Variants in CHKA observed in about 807,000 individuals in gnomAD.
The protein encoded by CHKA is CHETK-alpha.
In CHKA, 34 loss-of-function variants were observed where a neutral mutation model predicts 60.1. The observed-to-expected ratio is 0.57, with a 90% CI of 0.43 to 0.75. The LOEUF (loss-of-function observed/expected upper bound fraction) is 0.75. Among genes scored for constraint, CHKA ranks in the 30% least tolerant of loss-of-function variants. The pLI is 0.00. For synonymous variants in CHKA, 217 were observed against 223.1 expected, an observed-to-expected ratio of 0.97 and a Z score of 0.24; for missense variants, 563 against 561.3, an observed-to-expected ratio of 1.00 and a Z score of -0.03.
rs147139063 is a variant in CHKA at position 68,081,414 on chromosome 11, T to G, written c.506A>C (p.Asn169Thr). 9.0e-5 allele frequency: 145 copies of G among 1,613,402 alleles called. 1 individual carries two copies. In the African/African-American group the frequency reaches 1.8e-3, roughly 20 times the overall value. Residue 169 changes from asparagine (N) to threonine (T), a missense_variant, in exon 3 of 12, where the codon AAT becomes ACT. Asn to Thr is a moderately conservative substitution (Grantham distance 65). Transcript: ENST00000265689. Reference protein sequence around the residue: ...KEGSEQAQKENEFQGAEAMVL... With the variant: ...KEGSEQAQKETEFQGAEAMVL... ...GACTGAATTACTTACTTGAAATTCATTTTCTTTCTGAGCTTGTTCGGATCC... is the reference window on the plus strand; with the variant it reads ...GACTGAATTACTTACTTGAAATTCAGTTTCTTTCTGAGCTTGTTCGGATCC...
intron 1 of CHKA, among the ~76,000 whole-genome samples, chr11:68,097,897 G>A (rs969057956): frequency 1.3e-5 from 2 of 152,188 alleles, no homozygotes; most frequent in East Asian, 3.9e-4. Flanking sequence ...CATATGGCTC[G>A]AGTCCCTGCT....
Position 68,053,180 on chromosome 11 carries a change from G to A in CHKA, c.*808C>T, listed in dbSNP as rs1481134666. ...ACACTCCAGGCAGAGCAGAGGGCAGGAGAGGCCCAAAGAGCTAGGTCAAGC... is the reference window on the plus strand; with the variant it reads ...ACACTCCAGGCAGAGCAGAGGGCAGAAGAGGCCCAAAGAGCTAGGTCAAGC... On this transcript the variant is annotated 3_prime_UTR_variant, in exon 12 of 12. Transcript: ENST00000265689. 1 of 158,038 alleles carries A rather than the reference G, an allele frequency of 6.3e-6. No individual in the cohort carries two copies. The highest frequency in any genetic ancestry group is 1.4e-5 in the Non-Finnish European group (1 of 71,080). The allele number at this position is 158,038 out of a possible 1,614,324, so 9.8% of individuals were successfully genotyped here.
At chr11:68,081,267 C>T in intron 3 of CHKA, 137 bp downstream of exon 3, 2 of 652,140 alleles carry the variant, frequency 3.1e-6, no homozygotes, top group Non-Finnish European at 5.4e-6. Flanking sequence ...ATAGATATAC[C>T]AAGAGCCCCT....
In CHKA at chr11:68,052,922, A is replaced by T. The variant is rs1009458791; in HGVS notation, c.*1066T>A. 6.6e-6 allele frequency: 1 copy of T among 152,532 alleles called. No individual in the cohort carries two copies. Among genetic ancestry groups the T allele is most frequent in the Non-Finnish European group, 1.5e-5 (1 of 68,046 alleles). The allele number at this position is 152,532 out of a possible 1,614,324, so 9.4% of individuals were successfully genotyped here. A position where few individuals can be genotyped will look rare whatever the true frequency, so the allele number is the denominator to read the frequency against. On this transcript the variant is annotated 3_prime_UTR_variant, in exon 12 of 12. Transcript: ENST00000265689. ...GTGGTAGCAGAAATATATGCACAAA[A>T]AACAATTCAAATAAGAGTTCAGAGT...
intron 11 of CHKA, among the ~76,000 whole-genome samples, chr11:68,060,967 G>T (rs947456629): frequency 6.6e-6 from 1 of 152,072 alleles, no homozygotes; most frequent in African/African-American, 2.4e-5. Flanking sequence ...AAGGAAGGCA[G>T]CTCACCAGAC....
intron 3 of CHKA, among the ~76,000 whole-genome samples, chr11:68,076,606 CAG>C (rs1856798415): frequency 6.6e-6 from 1 of 152,086 alleles, no homozygotes; most frequent in Admixed American, 6.6e-5. Flanking sequence ...CAAAAGTAAA[CAG>C]GGGCTGGGCA....
Position 68,066,029 on chromosome 11 carries a change from A to AC in CHKA, c.1017-136dup, listed in dbSNP as rs1856431991. On this transcript the variant is annotated intron_variant, in intron 8 of 11. Transcript: ENST00000265689. ...CATCTGGACTTGCTGAGGGAGCAGG[A>AC]CTGTAGCTGCTTTAATGACAGAGAG... 20 of 608,272 alleles carry AC rather than the reference A, an allele frequency of 3.3e-5. No homozygotes were observed. The East Asian group carries it at 5.5e-4, about 17-fold the overall frequency. 37.7% of individuals were successfully genotyped at this position (608,272 alleles called of 1,614,324 possible).
intron 2 of CHKA, chr11:68,082,604 A>G (rs1171934569): frequency 6.5e-6 from 1 of 152,678 alleles, no homozygotes; most frequent in Non-Finnish European, 1.5e-5. Context: ...TCAAAAACCT[A>G]GTGATTTAAA....
Position 68,064,602 on chromosome 11 carries a change from T to G in CHKA, c.1155A>C (p.Ala385=), listed in dbSNP as rs776595049. ...QLHFISSYLP[A]FQNDFENLST... The stretch of plus-strand genomic sequence containing the variant: ...TGAGGTTTTCAAAGTCATTTTGGAA[T>G]GCAGGCAAGTAACTGGAAATAAAAT... The change falls in exon 10 of 12, where the codon GCA becomes GCC. Residue 385 remains alanine, a synonymous_variant. Coordinates refer to ENST00000265689, the MANE Select transcript of CHKA (RefSeq NM_001277.3). 4 of 1,595,962 alleles carry G rather than the reference T, an allele frequency of 2.5e-6. No individual in the cohort carries two copies. In the South Asian group the frequency reaches 3.5e-5, roughly 14 times the overall value.
intron 11 of CHKA, among the ~76,000 whole-genome samples, chr11:68,059,978 A>C (rs1248239219): frequency 2.0e-5 from 3 of 149,222 alleles, no homozygotes; most frequent in South Asian, 2.1e-4. Context: ...GAGTGGTGAG[A>C]TCTCCCATGT....
At chr11:68,066,772 T>C (rs1163310186) in intron 7 of CHKA, among the ~76,000 whole-genome samples, 1 of 152,134 alleles carries the variant, frequency 6.6e-6, no homozygotes, top group East Asian at 1.9e-4. Flanking sequence ...ACCCCCAGGA[T>C]CACTGTGGAA....
chr11:68,083,356 G>T (rs1482959296), intron 2 of CHKA, among the ~76,000 whole-genome samples: 1 of 152,082 alleles, frequency 6.6e-6, no homozygotes, highest in Non-Finnish European at 1.5e-5. Context: ...TTTCTCCAAA[G>T]AAACTTAAGA....
In CHKA at chr11:68,074,717, C is replaced by A. The variant is rs373710549; in HGVS notation, c.630G>T (p.Pro210=). Residue 210 remains proline, a splice_region_variant and synonymous_variant, in exon 4 of 12, where the codon CCG becomes CCT. Coordinates refer to ENST00000265689, the MANE Select transcript of CHKA (RefSeq NM_001277.3). ...CTAAGCGTTTATGAACAAATCTTAC[C>A]GGGATGAACTGCTCCAGTCGGCCTT... is the stretch of plus-strand genomic sequence containing the variant. ...FPQGRLEQFI[P]SRRLDTEELS... is the part of the protein sequence containing the mutation. The A allele has an allele frequency of 1.2e-6, 2 of 1,613,966 alleles. No homozygotes were observed. The highest frequency in any genetic ancestry group is 1.1e-5 in the South Asian group (1 of 91,086).
rs751166615 is a variant in CHKA, at chr11:68,097,102, A to G, written c.379T>C (p.Cys127Arg). 5 of 1,613,740 alleles carry G rather than the reference A, an allele frequency of 3.1e-6. No individual in the cohort carries two copies. In the Admixed American group the frequency reaches 8.3e-5, roughly 27 times the overall value. The change falls in exon 2 of 12, where the codon TGC becomes CGC. Residue 127 changes from cysteine (C) to arginine (R), a missense_variant. Coordinates refer to ENST00000265689, the MANE Select transcript of CHKA (RefSeq NM_001277.3). ...RGGLSNMLFQ[C>R]SLPDTTATLG... ...GTGGCTGTGGTGTCAGGTAGGGAGC[A>G]CTGGAACAGCATGTTGCTAAGGCCG... is the stretch of plus-strand genomic sequence containing the variant.
In CHKA at chr11:68,067,963, T is replaced by C. The variant is rs117408948; in HGVS notation, c.928+916A>G. On this transcript the variant is annotated intron_variant, in intron 7 of 11. Transcript: ENST00000265689. ...GGGCTCAAGGTGGGACCTGAACTAC[T>C]GTGACTAGGGGAGGCAAGGTCAAGG... Among the ~76,000 whole-genome samples the C allele has an allele frequency of 3.5e-4, 53 of 152,300 alleles. No homozygotes were observed. In the East Asian group the frequency reaches 0.01, roughly 29 times the overall value.
chr11:68,107,251 C>CA (rs113516453), intron 1 of CHKA, among the ~76,000 whole-genome samples: 7,392 of 143,436 alleles, frequency 0.052, 215 homozygotes, highest in African/African-American at 0.087. Context: ...GACTCTGTCT[C>CA]AAAAAAAAAA....
At chr11:68,111,154 C>A (rs556196393) in intron 1 of CHKA, among the ~76,000 whole-genome samples, 1 of 151,552 alleles carries the variant, frequency 6.6e-6, no homozygotes, top group African/African-American at 2.4e-5. Flanking sequence ...GCTCATGCCT[C>A]TAATCCCAGC....
rs1858201336 is a variant in CHKA at position 68,112,657 on chromosome 11, C to T, written c.350+8171G>A. 1.3e-5 allele frequency among the ~76,000 whole-genome samples: 2 copies of T among 152,138 alleles called. 1 individual carries two copies. Among genetic ancestry groups the T allele is most frequent in the South Asian group, 4.1e-4 (2 of 4,832 alleles). The stretch of plus-strand genomic sequence containing the variant: ...ATTAAAAACTGCTTTGCAAAAGATA[C>T]TGTCAAGAGAATGAAAAGTCACAAA... On this transcript the variant is annotated intron_variant, in intron 1 of 11. Coordinates refer to ENST00000265689, the MANE Select transcript of CHKA (RefSeq NM_001277.3).
chr11:68,061,113 T>G (rs1031271066), intron 11 of CHKA, among the ~76,000 whole-genome samples: 7 of 144,194 alleles, frequency 4.9e-5, no homozygotes, highest in Non-Finnish European at 1.1e-4. Flanking sequence ...TTTTTTTTTT[T>G]TTTTTTTTTT....
Sources: allele counts gnomAD v4.1 joint callset (sites outside exome capture counted in the v4.1 genomes callset), GRCh38; gene constraint gnomAD v4.1.1; transcripts MANE v1.5; gene names NCBI Gene and HGNC (gene_info 2026-07-23, HGNC 2026-07-21).